The following LOC128462377 variants were observed in gnomAD, a reference collection of about 807,000 sequenced individuals.
At chr16:89,347,546 G>C in the LOC128462377 span, among the ~76,000 whole-genome samples, 2 of 151,548 alleles carry the variant, frequency 1.3e-5, no homozygotes, top group African/African-American at 4.9e-5. Flanking sequence ...GGGAGATGGA[G>C]GTTGCAGCGA....
the LOC128462377 span, among the ~76,000 whole-genome samples, chr16:89,374,678 A>G: frequency 6.6e-6 from 1 of 152,230 alleles, no homozygotes; most frequent in Non-Finnish European, 1.5e-5. Flanking sequence ...TCCTCCAGAG[A>G]GCATCGGGAA....
At chr16:89,412,734 T>TA in the LOC128462377 span, among the ~76,000 whole-genome samples, 1 of 152,024 alleles carries the variant, frequency 6.6e-6, no homozygotes, top group Non-Finnish European at 1.5e-5. Flanking sequence ...AAGCCAGCTG[T>TA]AAAAAATGAT....
the LOC128462377 span, chr16:89,360,678 T>G: frequency 5.3e-5 from 8 of 152,172 alleles, no homozygotes; most frequent in Non-Finnish European, 1.0e-4. Flanking sequence ...TGGTCAACAC[T>G]AGGCAGCTTC....
chr16:89,385,852 G>A, the LOC128462377 span, among the ~76,000 whole-genome samples: 2 of 152,224 alleles, frequency 1.3e-5, no homozygotes, highest in African/African-American at 4.8e-5. Flanking sequence ...AGACACCAGC[G>A]GCTCGCCAAG....
At chr16:89,405,671 C>T in the LOC128462377 span, among the ~76,000 whole-genome samples, 1 of 152,060 alleles carries the variant, frequency 6.6e-6, no homozygotes, top group African/African-American at 2.4e-5. Context: ...CTGACTGCTG[C>T]AGATAAGGCA....
At chr16:89,392,255 A>T in the LOC128462377 span, 1 of 152,280 alleles carries the variant, frequency 6.6e-6, no homozygotes, top group Non-Finnish European at 1.5e-5. Flanking sequence ...AGGTATAAAA[A>T]ATGGCCTTGC....
the LOC128462377 span, among the ~76,000 whole-genome samples, chr16:89,332,320 G>A: frequency 1.3e-5 from 2 of 152,170 alleles, no homozygotes; most frequent in Admixed American, 6.5e-5. Flanking sequence ...CTTCAGCTCC[G>A]TGAAGTCCTG....
the LOC128462377 span, chr16:89,323,698 C>T: frequency 3.3e-6 from 1 of 305,016 alleles, no homozygotes; most frequent in South Asian, 2.7e-5. Context: ...TCTGTCCAGC[C>T]TCCACACACC....
chr16:89,395,328 G>A, the LOC128462377 span, among the ~76,000 whole-genome samples: 1 of 152,244 alleles, frequency 6.6e-6, no homozygotes, highest in Admixed American at 6.5e-5. Flanking sequence ...AGCAGCGTCG[G>A]TGTGGAAGGA....
At chr16:89,409,889 G>A in the LOC128462377 span, among the ~76,000 whole-genome samples, 4 of 149,226 alleles carry the variant, frequency 2.7e-5, no homozygotes, top group South Asian at 2.1e-4. Context: ...GCCCAGGCTG[G>A]AGTGTAGTGG....
the LOC128462377 span, among the ~76,000 whole-genome samples, chr16:89,416,055 G>A: frequency 1.3e-5 from 2 of 151,920 alleles, no homozygotes; most frequent in Non-Finnish European, 2.9e-5. Flanking sequence ...GCAAACAAAA[G>A]ACAAAATCAA....
At chr16:89,366,493 A>AT in the LOC128462377 span, among the ~76,000 whole-genome samples, 1 of 152,112 alleles carries the variant, frequency 6.6e-6, no homozygotes, top group Non-Finnish European at 1.5e-5. Context: ...AGCATCTGTT[A>AT]TTTTTTAACC....
chr16:89,383,931 C>T, the LOC128462377 span, among the ~76,000 whole-genome samples: 23 of 152,344 alleles, frequency 1.5e-4, no homozygotes, highest in South Asian at 4.6e-3. Flanking sequence ...CTCCCACTGA[C>T]GAAGGCGCTT....
the LOC128462377 span, among the ~76,000 whole-genome samples, chr16:89,402,898 T>A: frequency 1.3e-5 from 2 of 151,960 alleles, no homozygotes; most frequent in African/African-American, 4.8e-5. Context: ...AGGAGCCCCA[T>A]CAGGGCCAGC....
At chr16:89,363,737 C>T in the LOC128462377 span, among the ~76,000 whole-genome samples, 2 of 152,182 alleles carry the variant, frequency 1.3e-5, no homozygotes, top group African/African-American at 4.8e-5. Flanking sequence ...ACTGGAAGAA[C>T]ACGGGCCTGC....
the LOC128462377 span, among the ~76,000 whole-genome samples, chr16:89,356,010 G>GGCT: frequency 6.6e-6 from 1 of 152,166 alleles, no homozygotes; most frequent in Non-Finnish European, 1.5e-5. Context: ...CCGCCCTGGG[G>GGCT]GCTGAGGCGA....
chr16:89,330,283 C>G, the LOC128462377 span, among the ~76,000 whole-genome samples: 1 of 152,112 alleles, frequency 6.6e-6, no homozygotes, highest in Non-Finnish European at 1.5e-5. Flanking sequence ...ACACCAGGAG[C>G]ATTCCTGACA....
the LOC128462377 span, among the ~76,000 whole-genome samples, chr16:89,353,378 A>G: frequency 4.6e-5 from 7 of 151,998 alleles, no homozygotes; most frequent in Non-Finnish European, 1.0e-4. Context: ...GAGAGAAAGT[A>G]AACAAAGTTT....
chr16:89,339,531 G>A, the LOC128462377 span, among the ~76,000 whole-genome samples: 5 of 152,048 alleles, frequency 3.3e-5, no homozygotes, highest in African/African-American at 1.2e-4. Flanking sequence ...AAACCATTTC[G>A]GAAATTTAGA....
Sources: allele counts gnomAD v4.1 joint callset (sites outside exome capture counted in the v4.1 genomes callset), GRCh38; gene constraint gnomAD v4.1.1; transcripts MANE v1.5.